Variants in LAPTM4A observed in about 807,000 individuals in gnomAD.
The protein encoded by LAPTM4A is lysosomal-associated transmembrane protein 4A.
Under a neutral mutation model 29.9 loss-of-function variants are expected in LAPTM4A, and 19 were observed. That is an observed-to-expected ratio of 0.64 (90% CI 0.44 to 0.93). The LOEUF (loss-of-function observed/expected upper bound fraction) is 0.93, where lower values mean the gene tolerates loss of function less well. LAPTM4A is among the 40% of genes least tolerant of loss of function. The pLI is 0.00. For missense variants in LAPTM4A, 293 were observed against 288.5 expected (o/e 1.02, Z -0.11); for synonymous variants, 105 against 102.1 (o/e 1.03, Z -0.17).
chr2:20,042,111 G>A (rs1180891501), intron 1 of LAPTM4A, among the ~76,000 whole-genome samples: 1 of 152,158 alleles, frequency 6.6e-6, no homozygotes, highest in East Asian at 1.9e-4. Flanking sequence ...TTCAATTAAT[G>A]CAACCTGAAG....
chr2:20,047,736 T>G (rs914360693), intron 1 of LAPTM4A, among the ~76,000 whole-genome samples: 3 of 148,406 alleles, frequency 2.0e-5, no homozygotes, highest in Non-Finnish European at 4.5e-5. Context: ...CGAAAACATG[T>G]GAGCTAACCA....
At chr2:20,047,533 A>G (rs1041607437) in intron 1 of LAPTM4A, among the ~76,000 whole-genome samples, 1 of 149,210 alleles carries the variant, frequency 6.7e-6, no homozygotes, top group Non-Finnish European at 1.5e-5. Flanking sequence ...TACTAAAAAT[A>G]CAAAAAATTA....
chr2:20,039,397 GA>G (rs1168291207), intron 2 of LAPTM4A, among the ~76,000 whole-genome samples: 1 of 152,214 alleles, frequency 6.6e-6, no homozygotes, highest in Non-Finnish European at 1.5e-5. Flanking sequence ...AACAAAATAT[GA>G]AATTAAACAG....
chr2:20,047,506 A>C (rs184871666), intron 1 of LAPTM4A, among the ~76,000 whole-genome samples: 4 of 148,204 alleles, frequency 2.7e-5, no homozygotes, highest in African/African-American at 7.4e-5. Context: ...CTGGCTAACA[A>C]GGTGAAACCC....
At position 20,037,451 on chromosome 2, in the gene LAPTM4A, TAAC is replaced by T. The variant is rs1486540168; in HGVS notation, c.310-16_310-14del. The T allele has an allele frequency of 1.9e-6, 3 of 1,605,206 alleles. No homozygotes were observed. The highest frequency in any genetic ancestry group is 2.5e-6 in the Non-Finnish European group (3 of 1,177,416). On this transcript the variant is annotated splice_polypyrimidine_tract_variant and intron_variant, in intron 3 of 6. Coordinates refer to ENST00000175091, the MANE Select transcript of LAPTM4A (RefSeq NM_014713.5). ...AACCCACTTGATACTGGAGAAAAAA[TAAC>T]AACCATAACATTGTATCACATATAG... is the stretch of plus-strand genomic sequence containing the variant.
rs760663009 is a variant in LAPTM4A at position 20,035,078 on chromosome 2, A to G, written c.433-16T>C. The G allele has an allele frequency of 6.4e-7, 1 of 1,559,612 alleles. No homozygotes were observed. The highest frequency in any genetic ancestry group is 1.1e-5 in the South Asian group (1 of 89,062). ...GAAAATCAGGCTATTAAAGAAACAC[A>G]CACACATTTACAAGTCAGCCATCGC... On this transcript the variant is annotated splice_polypyrimidine_tract_variant and intron_variant, in intron 4 of 6. Transcript: ENST00000175091.
At chr2:20,045,400 C>A (rs910228692) in intron 1 of LAPTM4A, among the ~76,000 whole-genome samples, 1 of 151,254 alleles carries the variant, frequency 6.6e-6, no homozygotes, top group African/African-American at 2.4e-5. Flanking sequence ...CAGTTCAAGG[C>A]TGCAGTGTGC....
intron 1 of LAPTM4A, among the ~76,000 whole-genome samples, 167 bp from the exon 2 acceptor site, chr2:20,041,178 G>A (rs1041136048): frequency 5.3e-5 from 8 of 152,132 alleles, no homozygotes; most frequent in African/African-American, 1.9e-4. Context: ...TTACCACTAT[G>A]AGAATAATTT....
chr2:20,051,096 C>T (rs1344387095), intron 1 of LAPTM4A, among the ~76,000 whole-genome samples: 2 of 152,140 alleles, frequency 1.3e-5, no homozygotes, highest in Non-Finnish European at 2.9e-5. Context: ...CAGAGGAATT[C>T]CCACCAAATC....
Position 20,033,040 on chromosome 2 carries a change from C to T in LAPTM4A, c.*165G>A, listed in dbSNP as rs974015249. Reference sequence around the variant, plus strand: ...AAGACTTAACAAAAAAACAAAAAGACGTTTAACAGATGTCAAAAAGCTCCT... The same window carrying T: ...AAGACTTAACAAAAAAACAAAAAGATGTTTAACAGATGTCAAAAAGCTCCT... On this transcript the variant is annotated 3_prime_UTR_variant, in exon 7 of 7. Coordinates refer to ENST00000175091, the MANE Select transcript of LAPTM4A (RefSeq NM_014713.5). The T allele has an allele frequency of 9.8e-6, 6 of 614,896 alleles. No homozygotes were observed. Among genetic ancestry groups the T allele is most frequent in the Non-Finnish European group, 1.5e-5 (5 of 343,432 alleles). 38.1% of individuals were successfully genotyped at this position (614,896 alleles called of 1,614,324 possible).
At chr2:20,041,048 C>T (rs1441609366) in intron 1 of LAPTM4A, 37 bp from the exon 2 acceptor site, 7 of 1,607,874 alleles carry the variant, frequency 4.4e-6, no homozygotes, top group Non-Finnish European at 6.0e-6. Context: ...ACATTAATTA[C>T]CATCACGACG....
chr2:20,040,648 T>A (rs1673774401), intron 2 of LAPTM4A, among the ~76,000 whole-genome samples: 1 of 152,234 alleles, frequency 6.6e-6, no homozygotes, highest in Admixed American at 6.5e-5. Flanking sequence ...CACTGTATGA[T>A]AACTGCCTAC....
At chr2:20,037,479 G>A (rs759834614) in intron 3 of LAPTM4A, 41 bp from the exon 4 acceptor site, 2 of 1,602,752 alleles carry the variant, frequency 1.2e-6, no homozygotes, top group African/African-American at 2.7e-5. Flanking sequence ...ATCACATATA[G>A]GAAATTACTA....
chr2:20,039,169 G>A (rs1367611909), intron 2 of LAPTM4A, among the ~76,000 whole-genome samples: 3 of 152,050 alleles, frequency 2.0e-5, no homozygotes, highest in African/African-American at 4.8e-5. Context: ...CACCTGCCTC[G>A]GCCTCCCAAA....
In LAPTM4A at chr2:20,045,944, T is replaced by G. The variant is rs148774484; in HGVS notation, c.112-4933A>C. On this transcript the variant is annotated intron_variant, in intron 1 of 6. Coordinates refer to ENST00000175091, the MANE Select transcript of LAPTM4A (RefSeq NM_014713.5). Reference sequence around the variant, plus strand: ...GAAAGCACCCACAGGAGGGTCAATCTACAGAACTAAGCAAAGCCTGTTATC... The same window carrying G: ...GAAAGCACCCACAGGAGGGTCAATCGACAGAACTAAGCAAAGCCTGTTATC... Among the ~76,000 whole-genome samples the G allele has an allele frequency of 3.1e-3, 472 of 152,304 alleles. 2 individuals are homozygous for G. The highest frequency in any genetic ancestry group is 0.01 in the African/African-American group (434 of 41,552).
intron 4 of LAPTM4A, among the ~76,000 whole-genome samples, 177 bp downstream of exon 4, chr2:20,037,139 T>C (rs1424706053): frequency 6.6e-6 from 1 of 152,246 alleles, no homozygotes; most frequent in Non-Finnish European, 1.5e-5. Context: ...GAAATTACTC[T>C]ACTTTCATCT....
intron 6 of LAPTM4A, among the ~76,000 whole-genome samples, chr2:20,033,508 C>T (rs189423532): frequency 8.5e-5 from 13 of 152,110 alleles, no homozygotes; most frequent in Admixed American, 7.9e-4. Context: ...GAGAGAGAGT[C>T]CTGCTTCTGG....
In LAPTM4A at chr2:20,051,557, A is replaced by G. The variant is rs115733826; in HGVS notation, c.-37T>C. The stretch of plus-strand genomic sequence containing the variant: ...GGCCTCCTTCTTGGCCGGGCCCCTG[A>G]CAAACGTTCTCCACCCGCAGCCAAA... On this transcript the variant is annotated 5_prime_UTR_variant, in exon 1 of 7. Transcript: ENST00000175091. 7,781 of 1,360,252 alleles carry G rather than the reference A, an allele frequency of 5.7e-3. 29 individuals carry two copies. The highest frequency in any genetic ancestry group is 7.0e-3 in the Non-Finnish European group (6,847 of 976,778). 84.3% of individuals were successfully genotyped at this position (1,360,252 alleles called of 1,614,324 possible).
chr2:20,044,904 T>G (rs1181147900), intron 1 of LAPTM4A, among the ~76,000 whole-genome samples: 1 of 152,228 alleles, frequency 6.6e-6, no homozygotes, highest in East Asian at 1.9e-4. Flanking sequence ...CCCATCCTTG[T>G]GACTTAAAAA....
Sources: allele counts gnomAD v4.1 joint callset (sites outside exome capture counted in the v4.1 genomes callset), GRCh38; gene constraint gnomAD v4.1.1; transcripts MANE v1.5; gene names NCBI Gene and HGNC (gene_info 2026-07-23, HGNC 2026-07-21).